The following NEB variants were observed in gnomAD, a reference collection of about 807,000 sequenced individuals.
NEB encodes nebulin.
In NEB, 512 loss-of-function variants were observed where a neutral mutation model predicts 952.2. The observed-to-expected ratio is 0.54, with a 90% confidence interval of 0.50 to 0.58. The LOEUF is 0.58. Among genes scored for constraint, NEB ranks in the 20% least tolerant of loss-of-function variants. The pLI is 0.00. For synonymous variants in NEB, 2,900 were observed against 3,149.8 expected (o/e 0.92, Z 2.66); for missense variants, 8,428 against 9,231.1 (o/e 0.91, Z 3.56).
chr2:151,618,268 G>A lies in NEB; in HGVS notation c.11076+7C>T. On this transcript the variant is annotated splice_region_variant and intron_variant, in intron 74 of 181. Transcript: ENST00000397345. ...TCGGTATCTAACAGTGAGGATTGAA[G>A]ACTCACCTTATTCATGTTTAAAGCA... The A allele has an allele frequency of 3.1e-6, 5 of 1,612,422 alleles. No homozygotes were observed. Among genetic ancestry groups the A allele is most frequent in the Non-Finnish European group, 4.2e-6 (5 of 1,178,540 alleles).
intron 116 of NEB, 65 bp downstream of exon 116, chr2:151,565,436 T>A: frequency 9.0e-7 from 1 of 1,109,358 alleles, no homozygotes; most frequent in Admixed American, 2.0e-5. Context: ...GTTAAGCTAA[T>A]CCACCCAATG....
chr2:151,704,172 GGGGGTCA>G (rs1185962491), intron 13 of NEB, among the ~76,000 whole-genome samples: 1 of 37,776 alleles, frequency 2.6e-5, no homozygotes, highest in Non-Finnish European at 5.6e-5. Context: ...TAGGCTGCTC[GGGGGTCA>G]GGGGTCAGGG....
intron 161 of NEB, among the ~76,000 whole-genome samples, chr2:151,510,735 C>A (rs992863376): frequency 1.3e-5 from 2 of 152,110 alleles, no homozygotes; most frequent in African/African-American, 2.4e-5. Flanking sequence ...ATAGGAAAAA[C>A]CAGTATATAT....
At chr2:151,539,521 G>T (rs1443505753) in intron 138 of NEB, among the ~76,000 whole-genome samples, 2 of 152,172 alleles carry the variant, frequency 1.3e-5, no homozygotes, top group Admixed American at 6.6e-5. Flanking sequence ...AGTTGAGGGG[G>T]TCATGAAGTT....
chr2:151,514,909 TA>T lies in NEB; in HGVS notation c.22924del (p.Tyr7642MetfsTer10). On this transcript the variant is annotated frameshift_variant, in exon 158 of 182. Coordinates refer to ENST00000397345, the MANE Select transcript of NEB (RefSeq NM_001164508.2). LOFTEE classifies it high-confidence loss of function. ...GTTTCTGCCTTTAATGGACTCTTCA[TA>T]ATCTTTCCTATATTCTTTCTAATGT... ...MQSGKEYRKD[Y>X]EESIKGRNLT... is the part of the protein sequence containing the mutation. 6.4e-7 allele frequency: 1 copy of T among 1,570,672 alleles called. No homozygotes were observed. Among genetic ancestry groups the T allele is most frequent in the Non-Finnish European group, 8.7e-7 (1 of 1,155,306 alleles).
intron 46 of NEB, among the ~76,000 whole-genome samples, chr2:151,659,447 T>C (rs573235868): frequency 2.6e-5 from 4 of 152,152 alleles, no homozygotes; most frequent in African/African-American, 9.6e-5. Context: ...ACTACAGGCA[T>C]GCACTACCAT....
In NEB at chr2:151,697,335, T is replaced by C. The variant is rs1399535928; in HGVS notation, c.1365+15A>G. On this transcript the variant is annotated intron_variant, in intron 15 of 181. Coordinates refer to ENST00000397345, the MANE Select transcript of NEB (RefSeq NM_001164508.2). ...AATGTTATTTGGAAAGTCAAACAAT[T>C]GTCTTAGAACTTACATCACTGTTTT... 3 of 1,612,350 alleles carry C rather than the reference T, an allele frequency of 1.9e-6. No individual in the cohort carries two copies. Among genetic ancestry groups the C allele is most frequent in the South Asian group, 1.1e-5 (1 of 91,022 alleles).
intron 3 of NEB, among the ~76,000 whole-genome samples, chr2:151,731,630 T>C (rs1265042799): frequency 1.3e-5 from 2 of 152,114 alleles, no homozygotes; most frequent in Non-Finnish European, 2.9e-5. Context: ...GGGAACAAAA[T>C]GGTAGGGATG....
Position 151,690,843 on chromosome 2 carries a change from C to T in NEB, c.2212-18G>A. 3 of 1,512,162 alleles carry T rather than the reference C, an allele frequency of 2.0e-6. No homozygotes were observed. Among genetic ancestry groups the T allele is most frequent in the African/African-American group, 1.4e-5 (1 of 72,560 alleles). 93.7% of individuals were successfully genotyped at this position (1,512,162 alleles called of 1,614,324 possible). ...TAGGTATGCTAGAAAAGAAGATGTT[C>T]TTTAATGAAATATCAGTATATTCTT... is the stretch of plus-strand genomic sequence containing the variant. On this transcript the variant is annotated intron_variant, in intron 23 of 181. Transcript: ENST00000397345.
In NEB at chr2:151,643,000, T is replaced by C; in HGVS notation, c.8161-131A>G. On this transcript the variant is annotated intron_variant, in intron 58 of 181. Transcript: ENST00000397345. Reference sequence around the variant, plus strand: ...TATTTGTGACATTTTCAGGTCTAAATGTCTTGTGTCAATAAGAAGCACAAT... The same window carrying C: ...TATTTGTGACATTTTCAGGTCTAAACGTCTTGTGTCAATAAGAAGCACAAT... The C allele has an allele frequency of 3.5e-6, 4 of 1,140,208 alleles. No homozygotes were observed. The South Asian group carries it at 6.2e-5, about 18-fold the overall frequency. The allele number at this position is 1,140,208 out of a possible 1,614,324, so 70.6% of individuals were successfully genotyped here. A position where few individuals can be genotyped will look rare whatever the true frequency, so the allele number is the denominator to read the frequency against.
intron 10 of NEB, among the ~76,000 whole-genome samples, chr2:151,712,652 G>A (rs2099748383): frequency 6.6e-6 from 1 of 152,128 alleles, no homozygotes; most frequent in Non-Finnish European, 1.5e-5. Flanking sequence ...TACTGAGGAA[G>A]TTATGGCCTT....
intron 76 of NEB, among the ~76,000 whole-genome samples, chr2:151,615,147 G>A (rs1051577411): frequency 6.6e-6 from 1 of 152,130 alleles, no homozygotes; most frequent in African/African-American, 2.4e-5. Flanking sequence ...CCAGAATAAC[G>A]CATTATGGTC....
At chr2:151,529,757 G>A (rs1235237450) in intron 145 of NEB, among the ~76,000 whole-genome samples, 1 of 152,120 alleles carries the variant, frequency 6.6e-6, no homozygotes, top group Non-Finnish European at 1.5e-5. Flanking sequence ...TCGAACTCGT[G>A]ACCTCAGGTG....
Position 151,497,012 on chromosome 2 carries a change from C to T in NEB, c.24322G>A (p.Gly8108Ser), listed in dbSNP as rs1404068728. Residue 8108 changes from glycine to serine, a missense_variant, in exon 172 of 182, where the codon GGC (glycine) becomes AGC (serine). Gly to Ser is a moderately conservative substitution (Grantham distance 56). Transcript: ENST00000397345. ...GTGACAGGTAGAGGGGTTCCCTTGC[C>T]CATGTTTTCTTTGTATAACACCTGT... ...ISSVLYKENM[G>S]KGTPLPVTPE... 2 of 1,572,648 alleles carry T rather than the reference C, an allele frequency of 1.3e-6. No homozygotes were observed. Among genetic ancestry groups the T allele is most frequent in the East Asian group, 4.6e-5 (2 of 43,338 alleles).
intron 9 of NEB, 82 bp from the exon 10 acceptor site, chr2:151,717,602 A>G (rs1290973543): frequency 9.7e-7 from 1 of 1,032,454 alleles, no homozygotes; most frequent in Non-Finnish European, 1.5e-6. Flanking sequence ...TTAGTGTAAC[A>G]TGTTATAATT....
chr2:151,695,747 G>A lies in NEB; in HGVS notation c.1570-65C>T, dbSNP rs1319423054. 7.3e-6 allele frequency: 9 copies of A among 1,233,410 alleles called. No homozygotes were observed. The East Asian group carries it at 1.7e-4, about 23-fold the overall frequency. The allele number at this position is 1,233,410 out of a possible 1,614,324, so 76.4% of individuals were successfully genotyped here. On this transcript the variant is annotated intron_variant, in intron 17 of 181. Transcript: ENST00000397345. Reference sequence around the variant, plus strand: ...TCCAGAATACAAAAATTCTTGTGTGGTACATTTTGTAAAGTTAGTGACAGC... The same window carrying A: ...TCCAGAATACAAAAATTCTTGTGTGATACATTTTGTAAAGTTAGTGACAGC...
chr2:151,502,010 G>A (rs2065035278), intron 167 of NEB, among the ~76,000 whole-genome samples: 1 of 152,190 alleles, frequency 6.6e-6, no homozygotes, highest in African/African-American at 2.4e-5. Context: ...GAATTGCTGT[G>A]TTGTCTTTGA....
At chr2:151,610,174 T>A in intron 80 of NEB, 54 bp from the exon 81 acceptor site, 1 of 1,423,698 alleles carries the variant, frequency 7.0e-7, no homozygotes, top group Non-Finnish European at 9.6e-7. Flanking sequence ...CATGCTCATG[T>A]GCTGACAATT....
rs1278859775 is a variant in NEB, at chr2:151,662,360, T to C, written c.5764-19A>G. The C allele has an allele frequency of 1.3e-6, 2 of 1,529,310 alleles. No individual in the cohort carries two copies. Among genetic ancestry groups the C allele is most frequent in the East Asian group, 4.5e-5 (2 of 44,032 alleles). 94.7% of individuals were successfully genotyped at this position (1,529,310 alleles called of 1,614,324 possible). On this transcript the variant is annotated intron_variant, in intron 45 of 181. Transcript: ENST00000397345. Reference sequence around the variant, plus strand: ...ACTGATTCTGCAAAAGAGGAAAAATTAAATTATGAGAAGAAACTGGAACTT... The same window carrying C: ...ACTGATTCTGCAAAAGAGGAAAAATCAAATTATGAGAAGAAACTGGAACTT...
Sources: gnomAD v4.1 joint callset for allele counts (sites outside exome capture counted in the v4.1 genomes callset) on GRCh38, gnomAD v4.1.1 for gene constraint, MANE v1.5 for transcripts, NCBI Gene and HGNC (gene_info 2026-07-23, HGNC 2026-07-21) for gene names.